KMT2C: variants seen among roughly 807,000 people sequenced by gnomAD.
The protein encoded by KMT2C is histone-lysine N-methyltransferase 2C.
In KMT2C, 88 loss-of-function variants were observed where a neutral mutation model predicts 507.9. The ratio of observed to expected loss-of-function variants is 0.17; its 90% CI spans 0.15 to 0.21. The LOEUF is 0.21. Ranked by LOEUF, KMT2C falls within the 10% of genes least tolerant of loss-of-function variation. The pLI is 1.00. For missense variants in KMT2C, 4,954 were observed against 5,957.8 expected (o/e 0.83, Z 5.55); for synonymous variants, 2,049 against 2,080.8 (o/e 0.98, Z 0.42).
chr7:152,174,581 C>T (rs2093111950), intron 38 of KMT2C, among the ~76,000 whole-genome samples: 1 of 151,992 alleles, frequency 6.6e-6, no homozygotes, highest in Non-Finnish European at 1.5e-5. Context: ...TAAGAATTTG[C>T]AATACTAAGG....
In KMT2C at chr7:152,321,285, T is replaced by C. The variant is rs139209352; in HGVS notation, c.390-5947A>G. On this transcript the variant is annotated intron_variant, in intron 3 of 58. Transcript: ENST00000262189. ...AATTTGGAAACTAGAAAAGATATTG[T>C]TTAAGAATCTTTCACTTAAAATGGA... Among the ~76,000 whole-genome samples, 619 of 151,922 alleles carry C rather than the reference T, an allele frequency of 4.1e-3. 6 individuals are homozygous for C. Among genetic ancestry groups the C allele is most frequent in the African/African-American group, 0.014 (580 of 41,524 alleles).
intron 7 of KMT2C, among the ~76,000 whole-genome samples, chr7:152,267,142 T>C (rs1040769634): frequency 1.3e-5 from 2 of 152,270 alleles, no homozygotes; most frequent in African/African-American, 4.8e-5. Flanking sequence ...TAGGATTTCA[T>C]CCTTTTCCTT....
chr7:152,376,941 T>C (rs1384672357), intron 1 of KMT2C, among the ~76,000 whole-genome samples: 9 of 152,156 alleles, frequency 5.9e-5, no homozygotes, highest in Non-Finnish European at 8.8e-5. Flanking sequence ...TCCCAGCACT[T>C]TGAGAGGCCA....
intron 3 of KMT2C, among the ~76,000 whole-genome samples, chr7:152,322,121 G>C (rs2096778317): frequency 6.6e-6 from 1 of 150,956 alleles, no homozygotes; most frequent in Admixed American, 6.6e-5. Context: ...GCCAGCACTT[G>C]GGTAGGCTGA....
At position 152,148,144 on chromosome 7, in the gene KMT2C, G is replaced by A. The variant is rs2129094917; in HGVS notation, c.13783C>T (p.Arg4595Cys). 6.2e-7 allele frequency: 1 copy of A among 1,613,996 alleles called. No homozygotes were observed. The highest frequency in any genetic ancestry group is 1.1e-5 in the South Asian group (1 of 91,082). Reference protein sequence around the residue: ...LYWSTRYANRRCRYLCSIEEK... With the variant: ...LYWSTRYANRCCRYLCSIEEK... ...TCAATGGAGCACAGGTAGCGGCAGC[G>A]CCTATTGGCATAGCGAGTGCTCCAG... The change falls in exon 52 of 59, where the codon CGC (arginine) becomes TGC (cysteine). Residue 4595 changes from arginine to cysteine, a missense_variant. Physicochemically the swap from Arg to Cys is radical, Grantham distance 180. This residue lies in a region of KMT2C where 221 missense variants were observed against 304.7 expected (regional missense o/e 0.73). Transcript: ENST00000262189. This position sits in a 1 kb window ranked among gnomAD's most constrained non-coding sequence, Gnocchi z 7.1.
At position 152,163,345 on chromosome 7, in the gene KMT2C, T is replaced by C. The variant is rs754901602; in HGVS notation, c.10232A>G (p.Gln3411Arg). ...KERLREQQER[Q>R]RIQLMQEVDR... The stretch of plus-strand genomic sequence containing the variant: ...TACCTCCTGCATGAGTTGGATCCGT[T>C]GTCTCTCTTGCTGTTCTCGTAAACG... Residue 3411 changes from glutamine (Q) to arginine (R), a missense_variant, in exon 43 of 59, where the codon CAA (glutamine) becomes CGA (arginine). This residue lies in a region of KMT2C where 801 missense variants were observed against 751.2 expected (regional missense o/e 1.07). Transcript: ENST00000262189. The C allele has an allele frequency of 1.1e-5, 18 of 1,614,192 alleles. No individual in the cohort carries two copies. Among genetic ancestry groups the C allele is most frequent in the East Asian group, 2.2e-5 (1 of 44,882 alleles).
At chr7:152,231,518 T>C (rs536199866) in intron 16 of KMT2C, among the ~76,000 whole-genome samples, 2 of 152,414 alleles carry the variant, frequency 1.3e-5, no homozygotes, top group Non-Finnish European at 1.5e-5. Context: ...TGGTGGCTCA[T>C]GCCTATAATC....
At chr7:152,303,484 A>G (rs1393165750) in intron 6 of KMT2C, among the ~76,000 whole-genome samples, 2 of 152,182 alleles carry the variant, frequency 1.3e-5, no homozygotes, top group Admixed American at 6.5e-5. Flanking sequence ...CCATTAATGC[A>G]TGTATTTATC....
At chr7:152,214,167 T>TA (rs200335502) in intron 23 of KMT2C, among the ~76,000 whole-genome samples, 6,765 of 142,674 alleles carry the variant, frequency 0.047, 446 homozygotes, top group African/African-American at 0.15. Context: ...AGAGTTTCCT[T>TA]AAAAAAAAAA....
At chr7:152,268,318 C>T (rs925724519) in intron 7 of KMT2C, among the ~76,000 whole-genome samples, 1 of 152,094 alleles carries the variant, frequency 6.6e-6, no homozygotes, top group Non-Finnish European at 1.5e-5. Flanking sequence ...ATACCTATTA[C>T]CACACCCAAA....
intron 14 of KMT2C, among the ~76,000 whole-genome samples, chr7:152,239,508 G>A (rs1294560291): frequency 1.3e-5 from 2 of 152,128 alleles, no homozygotes; most frequent in African/African-American, 4.8e-5. Flanking sequence ...GTGAAGAAAC[G>A]TTAAAGCAAA....
chr7:152,145,350 A>G, intron 53 of KMT2C, 55 bp from the exon 54 acceptor site: 1 of 1,564,616 alleles, frequency 6.4e-7, no homozygotes, highest in Non-Finnish European at 8.7e-7. Flanking sequence ...GACTACAGAC[A>G]ATCTCAAGCT....
At chr7:152,264,440 C>A (rs761492735) in intron 8 of KMT2C, among the ~76,000 whole-genome samples, 7 of 152,100 alleles carry the variant, frequency 4.6e-5, no homozygotes, top group Non-Finnish European at 8.8e-5. Context: ...GAAAATATAA[C>A]CCCCTTACAA....
chr7:152,186,547 G>T (rs564079018), intron 33 of KMT2C, among the ~76,000 whole-genome samples: 20 of 152,272 alleles, frequency 1.3e-4, no homozygotes, highest in African/African-American at 4.6e-4. Flanking sequence ...ATCCAAAAAG[G>T]TACCTAAATA....
intron 16 of KMT2C, among the ~76,000 whole-genome samples, chr7:152,230,636 C>T (rs774790214): frequency 2.0e-5 from 3 of 152,074 alleles, no homozygotes; most frequent in Admixed American, 1.3e-4. Context: ...TGTATGTACC[C>T]ACACAAATCT....
chr7:152,256,968 T>A lies in KMT2C; in HGVS notation c.1300-4253A>T, dbSNP rs540482689. Among the ~76,000 whole-genome samples the A allele has an allele frequency of 2.6e-5, 4 of 152,252 alleles. No homozygotes were observed. In the East Asian group the frequency reaches 7.7e-4, roughly 29 times the overall value. Reference sequence around the variant, plus strand: ...TGACAGTATCTAACAAAGCTACATATGTGTACACTCCTGAGGCAATAATCC... The same window carrying A: ...TGACAGTATCTAACAAAGCTACATAAGTGTACACTCCTGAGGCAATAATCC... On this transcript the variant is annotated intron_variant, in intron 9 of 58. Coordinates refer to ENST00000262189, the MANE Select transcript of KMT2C (RefSeq NM_170606.3).
chr7:152,224,464 T>A lies in KMT2C; in HGVS notation c.3129A>T (p.Thr1043=). 2 of 1,611,842 alleles carry A rather than the reference T, an allele frequency of 1.2e-6. No individual in the cohort carries two copies. Among genetic ancestry groups the A allele is most frequent in the Non-Finnish European group, 1.7e-6 (2 of 1,179,710 alleles). The stretch of plus-strand genomic sequence containing the variant: ...TGCACTTCCAGCCTCCTTTGGGAAC[T>A]GTCTGCAATGGAGGGTCTAGGCAGT... ...HTYCLDPPLQ[T]VPKGGWKCKW... Residue 1043 remains threonine, a synonymous_variant, in exon 19 of 59, where the codon ACA becomes ACT. Coordinates refer to ENST00000262189, the MANE Select transcript of KMT2C (RefSeq NM_170606.3).
intron 1 of KMT2C, among the ~76,000 whole-genome samples, chr7:152,398,543 C>T (rs752895201): frequency 6.6e-6 from 1 of 152,092 alleles, no homozygotes; most frequent in Non-Finnish European, 1.5e-5. Context: ...GAGGGTCTTT[C>T]ACATTTTTTG....
At chr7:152,307,044 G>A (rs192888032) in intron 6 of KMT2C, among the ~76,000 whole-genome samples, 9 of 152,102 alleles carry the variant, frequency 5.9e-5, no homozygotes, top group Non-Finnish European at 7.4e-5. Context: ...CTGTGGTCCC[G>A]GATATTCGGG....
Sources: gnomAD v4.1 joint callset for allele counts (sites outside exome capture counted in the v4.1 genomes callset) on GRCh38, gnomAD v4.1.1 for gene constraint, gnomAD v4.1.1 regional missense constraint, Gnocchi (gnomAD v3.1) non-coding constraint, MANE v1.5 for transcripts, NCBI Gene and HGNC (gene_info 2026-07-23, HGNC 2026-07-21) for gene names.